The following AFG3L2 variants were observed in gnomAD, a reference collection of about 807,000 sequenced individuals.
The protein encoded by AFG3L2 is AFG3 like matrix AAA peptidase subunit 2.
A neutral mutation model predicts 94.5 loss-of-function variants in AFG3L2; 54 were observed. The ratio of observed to expected loss-of-function variants is 0.57; its 90% CI spans 0.46 to 0.72. AFG3L2 has a LOEUF of 0.72. Ranked by LOEUF, AFG3L2 falls within the 30% of genes least tolerant of loss-of-function variation. AFG3L2 has a pLI of 0.00. For synonymous variants in AFG3L2, 377 were observed against 365.5 expected (o/e 1.03, Z -0.36); for missense variants, 754 against 994.9 (o/e 0.76, Z 3.26).
At chr18:12,353,942 C>T (rs993026057) in intron 9 of AFG3L2, among the ~76,000 whole-genome samples, 3 of 152,150 alleles carry the variant, frequency 2.0e-5, no homozygotes, top group African/African-American at 7.2e-5. Flanking sequence ...CATCCAAGCC[C>T]ATCAGCTCAT....
At chr18:12,366,906 C>G (rs575180142) in intron 5 of AFG3L2, 59 bp downstream of exon 5, 96 of 1,599,096 alleles carry the variant, frequency 6.0e-5, no homozygotes, top group African/African-American at 8.0e-5. Flanking sequence ...CTTCTTTGGT[C>G]TAATCTGATG....
rs866684484 is a variant in AFG3L2, at chr18:12,354,144, C to A, written c.1165-986G>T. On this transcript the variant is annotated intron_variant, in intron 9 of 16. Coordinates refer to ENST00000269143, the MANE Select transcript of AFG3L2 (RefSeq NM_006796.3). ...CCTGCCCACTCCCACCCCCCCCCCCCCACTTCACTGGACAGAAGTCCAGGT... is the reference window on the plus strand; with the variant it reads ...CCTGCCCACTCCCACCCCCCCCCCCACACTTCACTGGACAGAAGTCCAGGT... Among the ~76,000 whole-genome samples, 111 of 131,256 alleles carry A rather than the reference C, an allele frequency of 8.5e-4. 2 individuals are homozygous for A. The highest frequency in any genetic ancestry group is 3.0e-3 in the African/African-American group (95 of 31,738). 86.1% of individuals were successfully genotyped at this position (131,256 alleles called of 152,430 possible).
chr18:12,335,572 C>T (rs1907716590), intron 16 of AFG3L2, among the ~76,000 whole-genome samples: 1 of 152,216 alleles, frequency 6.6e-6, no homozygotes, highest in African/African-American at 2.4e-5. Flanking sequence ...ACATCCTCAA[C>T]CTTGACGAAA....
chr18:12,329,872 C>CAAAAAAAA, intron 16 of AFG3L2, 89 bp from the exon 17 acceptor site: 1 of 1,157,488 alleles, frequency 8.6e-7, no homozygotes, highest in Admixed American at 2.1e-5. Context: ...GACCCCATTC[C>CAAAAAAAA]AAAAAAGGAT....
intron 16 of AFG3L2, among the ~76,000 whole-genome samples, chr18:12,334,588 T>C (rs557168537): frequency 6.6e-6 from 1 of 152,290 alleles, no homozygotes; most frequent in African/African-American, 2.4e-5. Flanking sequence ...CAGGGATGCC[T>C]TGGAGTCATT....
chr18:12,329,793 G>A lies in AFG3L2; in HGVS notation c.2176-10C>T. 6.2e-7 allele frequency: 1 copy of A among 1,604,494 alleles called. No homozygotes were observed. The stretch of plus-strand genomic sequence containing the variant: ...ACAACAGAAGAGCAACCTGAAATAT[G>A]AACAATTTTCATTAAATACAGTTAC... On this transcript the variant is annotated splice_polypyrimidine_tract_variant and intron_variant, in intron 16 of 16. Transcript: ENST00000269143.
intron 7 of AFG3L2, among the ~76,000 whole-genome samples, chr18:12,359,558 G>C (rs541065800): frequency 6.6e-6 from 1 of 152,230 alleles, no homozygotes; most frequent in Admixed American, 6.5e-5. Flanking sequence ...GGCCAACATA[G>C]TGAATCCCTG....
At chr18:12,352,427 A>G (rs1244027253) in intron 10 of AFG3L2, among the ~76,000 whole-genome samples, 1 of 152,208 alleles carries the variant, frequency 6.6e-6, no homozygotes, top group African/African-American at 2.4e-5. Flanking sequence ...GGAAGAACAC[A>G]TGACATCCTG....
At chr18:12,356,266 C>G (rs1908492144) in intron 9 of AFG3L2, among the ~76,000 whole-genome samples, 1 of 152,020 alleles carries the variant, frequency 6.6e-6, no homozygotes, top group Non-Finnish European at 1.5e-5. Flanking sequence ...ATTCTCCTGC[C>G]TCAGCCTCCG....
At chr18:12,360,642 C>G (rs1261461067) in intron 6 of AFG3L2, among the ~76,000 whole-genome samples, 1 of 152,214 alleles carries the variant, frequency 6.6e-6, no homozygotes, top group Non-Finnish European at 1.5e-5. Flanking sequence ...TTCTCTAGAG[C>G]TGCAGAGACC....
chr18:12,331,700 G>A (rs532304771), intron 16 of AFG3L2, among the ~76,000 whole-genome samples: 87 of 151,974 alleles, frequency 5.7e-4, no homozygotes, highest in African/African-American at 1.5e-3. Context: ...AGGCTGAGGC[G>A]GGAGAATTAC....
chr18:12,329,328 G>A lies in AFG3L2; in HGVS notation c.*237C>T, dbSNP rs754369427. The A allele has an allele frequency of 2.5e-4, 166 of 673,220 alleles. No homozygotes were observed. The highest frequency in any genetic ancestry group is 4.1e-4 in the Non-Finnish European group (154 of 372,750). The allele number at this position is 673,220 out of a possible 1,614,324, so 41.7% of individuals were successfully genotyped here. On this transcript the variant is annotated 3_prime_UTR_variant, in exon 17 of 17. Transcript: ENST00000269143. ...GGCTCAACCTTTCCAGCACGTCTGG[G>A]AGCCCAATGAGGCTATGGGACAGTG... is the stretch of plus-strand genomic sequence containing the variant.
chr18:12,367,659 G>A lies in AFG3L2; in HGVS notation c.293-277C>T, dbSNP rs148767909. Among the ~76,000 whole-genome samples the A allele has an allele frequency of 1.0e-3, 156 of 152,374 alleles. 3 individuals carry two copies. The highest frequency in any genetic ancestry group is 9.6e-3 in the East Asian group (50 of 5,194). On this transcript the variant is annotated intron_variant, in intron 3 of 16. Transcript: ENST00000269143. Reference sequence around the variant, plus strand: ...GTTATACCCTTCACAGAGGGAGAAAGTATAGCTTAAGTAACTTGTTGGATG... The same window carrying A: ...GTTATACCCTTCACAGAGGGAGAAAATATAGCTTAAGTAACTTGTTGGATG...
At chr18:12,349,090 CAGA>C (rs1422260964) in intron 12 of AFG3L2, among the ~76,000 whole-genome samples, 3 of 151,956 alleles carry the variant, frequency 2.0e-5, no homozygotes, top group Admixed American at 6.5e-5. Context: ...ATTTTGCGTT[CAGA>C]AGGAGAGAAA....
At chr18:12,360,869 C>A (rs528251145) in intron 6 of AFG3L2, among the ~76,000 whole-genome samples, 2 of 152,134 alleles carry the variant, frequency 1.3e-5, no homozygotes, top group Non-Finnish European at 1.5e-5. Flanking sequence ...AGTGTCCTAA[C>A]CACAATGTCA....
intron 6 of AFG3L2, among the ~76,000 whole-genome samples, chr18:12,361,873 T>C (rs1476322718): frequency 6.6e-6 from 1 of 152,222 alleles, no homozygotes; most frequent in East Asian, 1.9e-4. Context: ...CAAAACCTGC[T>C]CAGAATAGAT....
chr18:12,330,046 G>A (rs761166013), intron 16 of AFG3L2, among the ~76,000 whole-genome samples: 49 of 152,390 alleles, frequency 3.2e-4, no homozygotes, highest in Non-Finnish European at 6.3e-4. Flanking sequence ...ATAATGAGGA[G>A]GAAGCTGGCC....
rs1907421869 is a variant in AFG3L2, at chr18:12,328,972, T to C, written c.*593A>G. 1 of 572,946 alleles carries C rather than the reference T, an allele frequency of 1.7e-6. No individual in the cohort carries two copies. The highest frequency in any genetic ancestry group is 1.9e-5 in the African/African-American group (1 of 53,656). The allele number at this position is 572,946 out of a possible 1,614,324, so 35.5% of individuals were successfully genotyped here. A position where few individuals can be genotyped will look rare whatever the true frequency, so the allele number is the denominator to read the frequency against. On this transcript the variant is annotated 3_prime_UTR_variant, in exon 17 of 17. Coordinates refer to ENST00000269143, the MANE Select transcript of AFG3L2 (RefSeq NM_006796.3). ...GTTCAGAAAAGTACAGTGTTGACAT[T>C]TTATTTTTTATGTAAAGAAGCCATA...
intron 1 of AFG3L2, among the ~76,000 whole-genome samples, chr18:12,373,643 G>A (rs1047662977): frequency 8.7e-4 from 132 of 152,174 alleles, no homozygotes; most frequent in African/African-American, 2.9e-3. Context: ...CTGCAAGAGG[G>A]GAAGTATGAG....
Sources: gnomAD v4.1 joint callset for allele counts (sites outside exome capture counted in the v4.1 genomes callset) on GRCh38, gnomAD v4.1.1 for gene constraint, MANE v1.5 for transcripts, NCBI Gene and HGNC (gene_info 2026-07-23, HGNC 2026-07-21) for gene names.